The following METTL15 variants were observed in gnomAD, a reference collection of about 807,000 sequenced individuals.
METTL15 encodes methyltransferase 15, mitochondrial 12S rRNA N4-cytidine.
Under a neutral mutation model 38.3 loss-of-function variants are expected in METTL15, and 34 were observed. That is an observed-to-expected ratio of 0.89 (90% CI 0.68 to 1.18). METTL15 has a LOEUF of 1.18. METTL15 is among the 50% of genes most tolerant of loss of function. The pLI, the probability that METTL15 is intolerant of heterozygous loss-of-function variation, is 0.00. For missense variants in METTL15, 438 were observed against 498.4 expected (o/e 0.88, Z 1.15); for synonymous variants, 162 against 170.9 (o/e 0.95, Z 0.41).
chr11:28,531,876 A>T (rs1369109266), downstream of METTL15, among the ~76,000 whole-genome samples: 1 of 152,066 alleles, frequency 6.6e-6, no homozygotes, highest in Non-Finnish European at 1.5e-5. Context: ...AATTTACATC[A>T]AGAGCAATCT....
chr11:28,341,599 A>G lies in METTL15; in HGVS notation c.*190-10491A>G, dbSNP rs559310500. ...CTGAAAAATGAGGATGTTAACACCT[A>G]TTTTATAAGGTGGGTGTATTAAACA... On this transcript the variant is annotated intron_variant and NMD_transcript_variant, in intron 3 of 7. Coordinates refer to the METTL15 transcript ENST00000532947. Among the ~76,000 whole-genome samples, 14 of 152,324 alleles carry G rather than the reference A, an allele frequency of 9.2e-5. No homozygotes were observed. In the East Asian group the frequency reaches 2.1e-3, roughly 23 times the overall value.
intron 4 of METTL15, among the ~76,000 whole-genome samples, chr11:28,250,205 G>A (rs1854681719): frequency 6.6e-6 from 1 of 151,944 alleles, no homozygotes; most frequent in Non-Finnish European, 1.5e-5. Context: ...TATCTTTATG[G>A]TAGAATGATG....
At chr11:28,323,313 T>C (rs1435718026) in intron 6 of METTL15, among the ~76,000 whole-genome samples, 2 of 152,148 alleles carry the variant, frequency 1.3e-5, no homozygotes, top group Non-Finnish European at 2.9e-5. Flanking sequence ...GAATACAGTC[T>C]CTATTTTACC....
intron 3 of METTL15, among the ~76,000 whole-genome samples, chr11:28,148,047 C>T (rs375530003): frequency 3.9e-4 from 60 of 151,932 alleles, no homozygotes; most frequent in African/African-American, 1.3e-3. Context: ...TCATTTTATT[C>T]ATGTATATTT....
intron 5 of METTL15, among the ~76,000 whole-genome samples, chr11:28,409,164 C>T (rs551620422): frequency 8.6e-5 from 13 of 151,984 alleles, no homozygotes; most frequent in African/African-American, 3.1e-4. Flanking sequence ...GGGCGGATCA[C>T]GAGGTCTGGA....
intron 5 of METTL15, among the ~76,000 whole-genome samples, chr11:28,377,410 C>A (rs1850329068): frequency 1.3e-5 from 2 of 152,254 alleles, no homozygotes; most frequent in African/African-American, 4.8e-5. Flanking sequence ...TCATTCATTT[C>A]ATCTTCCATT....
chr11:28,474,363 C>A (rs1282401719), intron 6 of METTL15, among the ~76,000 whole-genome samples: 1 of 151,844 alleles, frequency 6.6e-6, no homozygotes, highest in African/African-American at 2.4e-5. Flanking sequence ...AATGATAATG[C>A]CTCTCTGTAA....
chr11:28,472,422 G>A (rs1332433574), intron 6 of METTL15, among the ~76,000 whole-genome samples: 1 of 152,156 alleles, frequency 6.6e-6, no homozygotes, highest in Non-Finnish European at 1.5e-5. Context: ...CAAGGGGCAT[G>A]CTGCATCAGG....
chr11:28,328,576 C>T (rs1849712652), intron 6 of METTL15, among the ~76,000 whole-genome samples: 1 of 152,056 alleles, frequency 6.6e-6, no homozygotes, highest in African/African-American at 2.4e-5. Flanking sequence ...ACTAGAAACA[C>T]TACTTCTCTA....
At chr11:28,442,302 A>G (rs1851041408) in intron 6 of METTL15, among the ~76,000 whole-genome samples, 1 of 152,230 alleles carries the variant, frequency 6.6e-6, no homozygotes, top group Admixed American at 6.5e-5. Flanking sequence ...TCTACCTTCA[A>G]AGGGCATATT....
intron 4 of METTL15, among the ~76,000 whole-genome samples, chr11:28,360,799 T>G (rs1308371418): frequency 2.9e-5 from 4 of 139,806 alleles, no homozygotes; most frequent in African/African-American, 1.1e-4. Context: ...CCAGTGCTAT[T>G]CCTCCCCCCT....
At chr11:28,388,119 C>T (rs1850460574) in intron 5 of METTL15, among the ~76,000 whole-genome samples, 1 of 152,038 alleles carries the variant, frequency 6.6e-6, no homozygotes, top group Non-Finnish European at 1.5e-5. Context: ...AACATCTTTT[C>T]CTCTAGTGAT....
chr11:28,171,108 T>G (rs561820104), intron 3 of METTL15, among the ~76,000 whole-genome samples: 41 of 152,340 alleles, frequency 2.7e-4, no homozygotes, highest in Middle Eastern at 3.4e-3. Flanking sequence ...GTTCCATCTT[T>G]GAGCACTTGT....
intron 4 of METTL15, among the ~76,000 whole-genome samples, chr11:28,281,672 A>G (rs1856062047): frequency 6.6e-6 from 1 of 152,226 alleles, no homozygotes; most frequent in African/African-American, 2.4e-5. Flanking sequence ...CAAGCTCTAC[A>G]GTCATTGGTA....
In METTL15 at chr11:28,247,572, C is replaced by G. The variant is rs187049301; in HGVS notation, c.407+36374C>G. On this transcript the variant is annotated intron_variant, in intron 4 of 6. Coordinates refer to ENST00000407364, the MANE Select transcript of METTL15 (RefSeq NM_001113528.2). Reference sequence around the variant, plus strand: ...AATTTGCATCTTTTGTAATTTGACCCAAAAATGAAGCTTTATGTAAGTTCA... The same window carrying G: ...AATTTGCATCTTTTGTAATTTGACCGAAAAATGAAGCTTTATGTAAGTTCA... Among the ~76,000 whole-genome samples, 138 of 151,982 alleles carry G rather than the reference C, an allele frequency of 9.1e-4. 1 individual carries two copies. Among genetic ancestry groups the G allele is most frequent in the African/African-American group, 3.3e-3 (137 of 41,488 alleles).
At chr11:28,173,598 G>A (rs902062247) in intron 3 of METTL15, among the ~76,000 whole-genome samples, 11 of 152,170 alleles carry the variant, frequency 7.2e-5, no homozygotes, top group Non-Finnish European at 1.3e-4. Flanking sequence ...TTAGTATGGT[G>A]TATTTGTTAT....
intron 6 of METTL15, among the ~76,000 whole-genome samples, chr11:28,298,416 C>A (rs758385382): frequency 4.8e-4 from 73 of 152,100 alleles, no homozygotes; most frequent in Non-Finnish European, 9.0e-4. Context: ...GTCAGCAAAC[C>A]TCATCTGATT....
At chr11:28,503,854 T>C (rs1217534357) in intron 6 of METTL15, among the ~76,000 whole-genome samples, 1 of 151,558 alleles carries the variant, frequency 6.6e-6, no homozygotes, top group Non-Finnish European at 1.5e-5. Context: ...TTCATAAATA[T>C]CCTGTTATAC....
intron 3 of METTL15, among the ~76,000 whole-genome samples, chr11:28,128,169 G>C (rs1852574617): frequency 6.6e-6 from 1 of 152,064 alleles, no homozygotes; most frequent in African/African-American, 2.4e-5. Flanking sequence ...TTTTAGCCAA[G>C]ATAGAAACTT....
Sources: gnomAD v4.1 joint callset for allele counts (sites outside exome capture counted in the v4.1 genomes callset) on GRCh38, gnomAD v4.1.1 for gene constraint, MANE v1.5 for transcripts, NCBI Gene and HGNC (gene_info 2026-07-23, HGNC 2026-07-21) for gene names.